The following TNXB variants were observed in gnomAD, a reference collection of about 807,000 sequenced individuals.
The protein encoded by TNXB is tenascin XB, also known as tenascin-X.
Under a neutral mutation model 340.5 loss-of-function variants are expected in TNXB, and 183 were observed. The ratio of observed to expected loss-of-function variants is 0.54; its 90% CI spans 0.48 to 0.61. The LOEUF (loss-of-function observed/expected upper bound fraction) is 0.61. Among genes scored for constraint, TNXB ranks in the 20% least tolerant of loss-of-function variants. TNXB has a pLI of 0.00. For missense variants in TNXB, 4,613 were observed against 5,446.4 expected (o/e 0.85, Z 4.82); for synonymous variants, 2,121 against 2,314.5 (o/e 0.92, Z 2.40).
At chr6:32,056,510 C>T (rs2151901415) in intron 23 of TNXB, 76 bp downstream of exon 23, 6 of 1,562,650 alleles carry the variant, frequency 3.8e-6, no homozygotes, top group Non-Finnish European at 5.2e-6. Flanking sequence ...TGGCCCATTC[C>T]CCACCAGTCA....
chr6:32,067,710 G>T lies in TNXB; in HGVS notation c.6495C>A (p.Gly2165=). The T allele has an allele frequency of 6.2e-7, 1 of 1,613,812 alleles. No individual in the cohort carries two copies. The highest frequency in any genetic ancestry group is 1.7e-4 in the Middle Eastern group (1 of 5,984). Reference sequence around the variant, plus strand: ...GGCCCACGCGCCGCCCCTCGTGGAGGCCGTACAGGTGCATCTTGTACTTGC... The same window carrying T: ...GGCCCACGCGCCGCCCCTCGTGGAGTCCGTACAGGTGCATCTTGTACTTGC... ...PGRKYKMHLY[G]LHEGRRVGPV... Residue 2165 remains glycine, a synonymous_variant, in exon 18 of 44, where the codon GGC becomes GGA. Transcript: ENST00000644971. This position sits in a 1 kb window ranked among gnomAD's most constrained non-coding sequence, Gnocchi z 4.2.
chr6:32,070,240 T>C lies in TNXB; in HGVS notation c.5165A>G (p.His1722Arg), dbSNP rs1206962299. 14 of 1,607,858 alleles carry C rather than the reference T, an allele frequency of 8.7e-6. No individual in the cohort carries two copies. Among genetic ancestry groups the C allele is most frequent in the South Asian group, 2.2e-5 (2 of 89,956 alleles). Residue 1722 changes from histidine to arginine, a missense_variant, in exon 14 of 44, where the codon CAT (histidine) becomes CGT (arginine). This residue lies in a region of TNXB where 4,327 missense variants were observed against 4,859.4 expected (regional missense o/e 0.89). Transcript: ENST00000644971. The surrounding 1 kb of genome is among the most constrained non-coding windows in gnomAD (Gnocchi z 6.0). ...DGPQVVPVEG[H>R]ERSVTVTPLD... ...AGGGGTGACAGTGACAGAGCGCTCA[T>C]GGCCCTCCACGGGCACCACCTGGGG...
Position 32,075,710 on chromosome 6 carries a change from T to C in TNXB, c.4376-1758A>G, listed in dbSNP as rs55931417. Among the ~76,000 whole-genome samples, 574 of 152,338 alleles carry C rather than the reference T, an allele frequency of 3.8e-3. 1 individual carries two copies. The highest frequency in any genetic ancestry group is 5.6e-3 in the Non-Finnish European group (383 of 68,034). On this transcript the variant is annotated intron_variant, in intron 11 of 43. Transcript: ENST00000644971. The surrounding 1 kb of genome is among the most constrained non-coding windows in gnomAD (Gnocchi z 4.6). ...GTCCCAGTCCCTGGCACACAGTAGGTGCTCCACAGATGTCTGTAAAATAAT... is the reference window on the plus strand; with the variant it reads ...GTCCCAGTCCCTGGCACACAGTAGGCGCTCCACAGATGTCTGTAAAATAAT...
intron 23 of TNXB, 72 bp downstream of exon 23, chr6:32,056,513 AC>A: frequency 6.4e-7 from 1 of 1,566,440 alleles, no homozygotes; most frequent in East Asian, 2.4e-5. Context: ...CCCATTCCCC[AC>A]CAGTCATCAC....
At chr6:32,086,363 C>A (rs771869831) in intron 6 of TNXB, among the ~76,000 whole-genome samples, 1 of 152,172 alleles carries the variant, frequency 6.6e-6, no homozygotes, top group Non-Finnish European at 1.5e-5. Context: ...AGCCTGCTAT[C>A]CTTCACCCCA....
In TNXB at chr6:32,070,850, G is replaced by A. The variant is rs1010199894; in HGVS notation, c.4991-436C>T. Among the ~76,000 whole-genome samples, 8 of 152,222 alleles carry A rather than the reference G, an allele frequency of 5.3e-5. No homozygotes were observed. Among genetic ancestry groups the A allele is most frequent in the Admixed American group, 2.0e-4 (3 of 15,284 alleles). On this transcript the variant is annotated intron_variant, in intron 13 of 43. Transcript: ENST00000644971. This position sits in a 1 kb window ranked among gnomAD's most constrained non-coding sequence, Gnocchi z 6.0. ...CGCAGGATCCCTGATGGGGGCACTC[G>A]GCAGGTCAGGGAGGCAGGATGTTAC...
intron 18 of TNXB, among the ~76,000 whole-genome samples, chr6:32,066,811 C>T (rs1387235574): frequency 5.9e-5 from 9 of 152,170 alleles, no homozygotes; most frequent in Non-Finnish European, 4.4e-5. Context: ...TGGCGGCTCA[C>T]GCCTGGAATC....
At chr6:32,091,079 C>T (rs1780051626) in intron 4 of TNXB, among the ~76,000 whole-genome samples, 1 of 152,230 alleles carries the variant, frequency 6.6e-6, no homozygotes, top group African/African-American at 2.4e-5. Flanking sequence ...TCCTACGTCT[C>T]CTAGCACCAT....
rs973269189 is a variant in TNXB, at chr6:32,080,442, C to A, written c.4042+926G>T. ...AGCCAGGATGGTCTCGATCTCCTGA[C>A]CTCGTGATCCACCCGCCTTGGCCTC... is the stretch of plus-strand genomic sequence containing the variant. On this transcript the variant is annotated intron_variant, in intron 10 of 43. Coordinates refer to ENST00000644971, the MANE Select transcript of TNXB (RefSeq NM_001365276.2). The surrounding 1 kb of genome is among the most constrained non-coding windows in gnomAD (Gnocchi z 4.3). Among the ~76,000 whole-genome samples the A allele has an allele frequency of 2.6e-5, 4 of 152,316 alleles. No individual in the cohort carries two copies. In the East Asian group the frequency reaches 5.8e-4, roughly 22 times the overall value.
chr6:32,094,985 C>A, intron 4 of TNXB, 91 bp downstream of exon 4: 1 of 1,093,008 alleles, frequency 9.1e-7, no homozygotes, highest in Non-Finnish European at 1.4e-6. Context: ...TGGACTCAAC[C>A]AATGATCACC....
In TNXB at chr6:32,095,593, G is replaced by C. The variant is rs117489305; in HGVS notation, c.2242+18C>G. The C allele has an allele frequency of 1.0e-3, 1,598 of 1,601,184 alleles. 39 individuals are homozygous for C. In the East Asian group the frequency reaches 0.034, roughly 35 times the overall value. On this transcript the variant is annotated intron_variant, in intron 3 of 43. Transcript: ENST00000644971. ...GAATCACAGTCCCAGAGTACACTGG[G>C]GAAGGCTGCCTGCTCACCTTCTCCG...
intron 11 of TNXB, chr6:32,078,535 T>A (rs1582432007): frequency 6.3e-6 from 1 of 159,180 alleles, no homozygotes; most frequent in Non-Finnish European, 1.4e-5. Flanking sequence ...CTCACGCGCA[T>A]TCTCCCATCC....
intron 25 of TNXB, 47 bp downstream of exon 25, chr6:32,053,341 G>A: frequency 6.3e-7 from 1 of 1,587,120 alleles, no homozygotes; most frequent in Non-Finnish European, 8.6e-7. Flanking sequence ...CAGAGAAAGG[G>A]AGACCCTCCC....
In TNXB at chr6:32,097,461, G is replaced by T; in HGVS notation, c.404-12C>A. 1 of 1,581,228 alleles carries T rather than the reference G, an allele frequency of 6.3e-7. No individual in the cohort carries two copies. On this transcript the variant is annotated splice_polypyrimidine_tract_variant and intron_variant, in intron 2 of 43. Coordinates refer to ENST00000644971, the MANE Select transcript of TNXB (RefSeq NM_001365276.2). This position sits in a 1 kb window ranked among gnomAD's most constrained non-coding sequence, Gnocchi z 5.9. ...CACATCTGTCTGACCTGGAGTAGGAGGGGAGAGGCAAGTCTCAGTCTCTCT... is the reference window on the plus strand; with the variant it reads ...CACATCTGTCTGACCTGGAGTAGGATGGGAGAGGCAAGTCTCAGTCTCTCT...
chr6:32,050,167 G>A lies in TNXB; in HGVS notation c.9270C>T (p.Phe3090=). 6.2e-7 allele frequency: 1 copy of A among 1,613,892 alleles called. No homozygotes were observed. Among genetic ancestry groups the A allele is most frequent in the Non-Finnish European group, 8.5e-7 (1 of 1,179,890 alleles). Residue 3090 remains phenylalanine (F), a synonymous_variant, in exon 27 of 44, where the codon TTC becomes TTT. Coordinates refer to ENST00000644971, the MANE Select transcript of TNXB (RefSeq NM_001365276.2). ...WMVPEGQFDH[F]LVQYRNGDGQ... ...CATCCCCATTCCTGTACTGGACCAGGAAGTGGTCAAACTGGCCCTCGGGAA... is the reference window on the plus strand; with the variant it reads ...CATCCCCATTCCTGTACTGGACCAGAAAGTGGTCAAACTGGCCCTCGGGAA...
rs1375825623 is a variant in TNXB, at chr6:32,046,297, A to C, written c.10484T>G (p.Val3495Gly). 1 of 1,606,650 alleles carries C rather than the reference A, an allele frequency of 6.2e-7. No individual in the cohort carries two copies. Among genetic ancestry groups the C allele is most frequent in the South Asian group, 1.1e-5 (1 of 89,716 alleles). Residue 3495 changes from valine to glycine, a missense_variant, in exon 31 of 44, where the codon GTG (valine) becomes GGG (glycine). Transcript: ENST00000644971. The surrounding 1 kb of genome is among the most constrained non-coding windows in gnomAD (Gnocchi z 6.9). ...GGTGACTGTGCGCTGGTCTGCGGCCACAGGCACTGCCCTGGGCTGCCCGTC... is the reference window on the plus strand; with the variant it reads ...GGTGACTGTGCGCTGGTCTGCGGCCCCAGGCACTGCCCTGGGCTGCCCGTC... The part of the protein sequence containing the change: ...DTDGQPRAVP[V>G]AADQRTVTVE...
In TNXB at chr6:32,062,840, G is replaced by C. The variant is rs938810897; in HGVS notation, c.6842-357C>G. On this transcript the variant is annotated intron_variant, in intron 19 of 43. Coordinates refer to ENST00000644971, the MANE Select transcript of TNXB (RefSeq NM_001365276.2). This position sits in a 1 kb window ranked among gnomAD's most constrained non-coding sequence, Gnocchi z 4.3. Reference sequence around the variant, plus strand: ...GGAGGCCGAGGCGGGCGGATCATGAGGTCAGGAGATTGAGACCATCCTGGC... The same window carrying C: ...GGAGGCCGAGGCGGGCGGATCATGACGTCAGGAGATTGAGACCATCCTGGC... Among the ~76,000 whole-genome samples the C allele has an allele frequency of 2.6e-5, 4 of 151,736 alleles. No homozygotes were observed. The highest frequency in any genetic ancestry group is 9.7e-5 in the African/African-American group (4 of 41,280).
At position 32,079,363 on chromosome 6, in the gene TNXB, G is replaced by T. The variant is rs776399008; in HGVS notation, c.4045C>A (p.Pro1349Thr). 6.3e-7 allele frequency: 1 copy of T among 1,599,826 alleles called. No homozygotes were observed. The highest frequency in any genetic ancestry group is 8.5e-7 in the Non-Finnish European group (1 of 1,172,974). ...GGGGTCTCGTCCACATCCTCCTGAG[G>T]AGCTGAGAGAAGAGATAGAGGCATA... is the stretch of plus-strand genomic sequence containing the variant. Reference protein sequence around the residue: ...GPESVVAKTAPQEDVDETPSP... With the variant: ...GPESVVAKTATQEDVDETPSP... Residue 1349 changes from proline (P) to threonine (T), a missense_variant and splice_region_variant, in exon 11 of 44, where the codon CCT becomes ACT. This residue lies in a region of TNXB where 4,327 missense variants were observed against 4,859.4 expected (regional missense o/e 0.89). Coordinates refer to ENST00000644971, the MANE Select transcript of TNXB (RefSeq NM_001365276.2). This position sits in a 1 kb window ranked among gnomAD's most constrained non-coding sequence, Gnocchi z 7.1.
At chr6:32,048,110 G>C in intron 29 of TNXB, 98 bp from the exon 30 acceptor site, 1 of 1,426,984 alleles carries the variant, frequency 7.0e-7, no homozygotes, top group Non-Finnish European at 9.5e-7. Context: ...TCCCAGGAAC[G>C]GGAGGGTGAC....
Sources: gnomAD v4.1 joint callset for allele counts (sites outside exome capture counted in the v4.1 genomes callset) on GRCh38, gnomAD v4.1.1 for gene constraint, gnomAD v4.1.1 regional missense constraint, Gnocchi (gnomAD v3.1) non-coding constraint, MANE v1.5 for transcripts, NCBI Gene and HGNC (gene_info 2026-07-23, HGNC 2026-07-21) for gene names.